The following ARID1B variants were observed in gnomAD, a reference collection of about 807,000 sequenced individuals.
ARID1B encodes the protein AT-rich interaction domain 1B.
ARID1B carries 30 observed loss-of-function variants against 212.3 expected under a neutral mutation model. The ratio of observed to expected loss-of-function variants is 0.14; its 90% CI spans 0.11 to 0.19. The LOEUF is 0.19. Ranked by LOEUF, ARID1B falls within the 10% of genes least tolerant of loss-of-function variation. The pLI, the probability that ARID1B is intolerant of heterozygous loss-of-function variation, is 1.00. For synonymous variants in ARID1B, 1,402 were observed against 1,301.7 expected (o/e 1.08, Z -1.66); for missense variants, 2,891 against 3,204.0 (o/e 0.90, Z 2.36).
chr6:156,776,679 C>T (rs1458355027), upstream of ARID1B: 1 of 152,204 alleles, frequency 6.6e-6, no homozygotes, highest in Non-Finnish European at 1.5e-5. Flanking sequence ...GGACATATTC[C>T]TTTGGAAATA....
At chr6:156,862,200 T>C (rs1324364930) in intron 2 of ARID1B, among the ~76,000 whole-genome samples, 1 of 152,038 alleles carries the variant, frequency 6.6e-6, no homozygotes, top group Non-Finnish European at 1.5e-5. Context: ...ACAGTTACTG[T>C]GTGGCTCAGT....
At position 156,778,348 on chromosome 6, in the gene ARID1B, T is replaced by TGGGCGGCGCGGG; in HGVS notation, c.669_680dup (p.Gly227_Ala230dup). 1 of 1,539,178 alleles carries TGGGCGGCGCGGG rather than the reference T, an allele frequency of 6.5e-7. No homozygotes were observed. The highest frequency in any genetic ancestry group is 8.7e-7 in the Non-Finnish European group (1 of 1,145,274). ...CATCCCATTTCCAACAACAACAGCT[T>TGGGCGGCGCGGG]GGGCGGCGCGGGCGGCGGCGCGCCT... On this transcript the variant is annotated inframe_insertion, in exon 1 of 20. Coordinates refer to ENST00000636930, the MANE Select transcript of ARID1B (RefSeq NM_001374828.1).
At chr6:157,180,582 T>A (rs1211526405) in intron 11 of ARID1B, among the ~76,000 whole-genome samples, 6 of 152,190 alleles carry the variant, frequency 3.9e-5, no homozygotes, top group African/African-American at 1.4e-4. Context: ...CTCTATAATA[T>A]CACATGTAAA....
rs528104320 is a variant in ARID1B at position 157,010,656 on chromosome 6, G to T, written c.2248-74006G>T. On this transcript the variant is annotated intron_variant, in intron 4 of 19. Coordinates refer to ENST00000636930, the MANE Select transcript of ARID1B (RefSeq NM_001374828.1). ...TTTGCTTTGTTTTGTTTTGTTTTTTGTTGTTGTTGTTTTTAACTGTTCTCA... is the reference window on the plus strand; with the variant it reads ...TTTGCTTTGTTTTGTTTTGTTTTTTTTTGTTGTTGTTTTTAACTGTTCTCA... Among the ~76,000 whole-genome samples the T allele has an allele frequency of 1.0e-3, 148 of 146,654 alleles. 2 individuals are homozygous for T. The highest frequency in any genetic ancestry group is 3.5e-3 in the Middle Eastern group (1 of 286).
At chr6:156,948,292 A>T (rs1244191964) in intron 4 of ARID1B, among the ~76,000 whole-genome samples, 1 of 152,184 alleles carries the variant, frequency 6.6e-6, no homozygotes, top group Admixed American at 6.5e-5. Flanking sequence ...CAAGGGCATG[A>T]TCATAGCCTT....
At chr6:157,092,618 TCTC>T (rs918758241) in intron 5 of ARID1B, among the ~76,000 whole-genome samples, 1 of 152,216 alleles carries the variant, frequency 6.6e-6, no homozygotes, top group Non-Finnish European at 1.5e-5. Flanking sequence ...TTAAGCCTTT[TCTC>T]CTCTTCTTTC....
intron 4 of ARID1B, among the ~76,000 whole-genome samples, chr6:157,049,214 G>T (rs1782431747): frequency 6.6e-6 from 1 of 151,490 alleles, no homozygotes; most frequent in African/African-American, 2.4e-5. Context: ...TTGATTTGCT[G>T]CTCACTGTGC....
chr6:156,952,074 T>G (rs1361317541), intron 4 of ARID1B, among the ~76,000 whole-genome samples: 3 of 152,250 alleles, frequency 2.0e-5, no homozygotes, highest in African/African-American at 7.2e-5. Flanking sequence ...GCATAAAACG[T>G]GTACCAGGGT....
intron 19 of ARID1B, chr6:157,205,093 A>G (rs1255170238): frequency 6.6e-6 from 1 of 152,240 alleles, no homozygotes; most frequent in Non-Finnish European, 1.5e-5. Flanking sequence ...TGTTGATCAC[A>G]TATTTGCATA....
chr6:156,852,284 A>G (rs1784628214), intron 2 of ARID1B, among the ~76,000 whole-genome samples: 1 of 152,028 alleles, frequency 6.6e-6, no homozygotes, highest in African/African-American at 2.4e-5. Context: ...CTCCCTGTAC[A>G]GAAAAAATTT....
At chr6:157,142,887 A>G (rs1043974497) in intron 7 of ARID1B, among the ~76,000 whole-genome samples, 4 of 152,214 alleles carry the variant, frequency 2.6e-5, no homozygotes, top group African/African-American at 9.7e-5. Flanking sequence ...GTAGTTGTTC[A>G]TAACTGTTGA....
chr6:156,871,056 C>T (rs1036500740), intron 2 of ARID1B, among the ~76,000 whole-genome samples: 7 of 152,074 alleles, frequency 4.6e-5, no homozygotes, highest in African/African-American at 7.3e-5. Context: ...CAGTAAGTTC[C>T]GTAACTAGAA....
intron 4 of ARID1B, among the ~76,000 whole-genome samples, chr6:156,946,579 C>A (rs1793168912): frequency 6.6e-6 from 1 of 152,070 alleles, no homozygotes; most frequent in Non-Finnish European, 1.5e-5. Context: ...TGCAAAACTT[C>A]ATTTTCGAAA....
chr6:156,994,464 C>T (rs1315526242), intron 4 of ARID1B, among the ~76,000 whole-genome samples: 4 of 151,780 alleles, frequency 2.6e-5, no homozygotes, highest in African/African-American at 9.7e-5. Context: ...TGATTTACTT[C>T]CTCCAAAAGG....
chr6:156,794,959 T>A (rs1279622546), intron 1 of ARID1B, among the ~76,000 whole-genome samples: 5 of 152,214 alleles, frequency 3.3e-5, no homozygotes. Flanking sequence ...GGCAAGAATT[T>A]GGGCTACAAG....
chr6:156,961,380 G>A (rs938947582), intron 4 of ARID1B, among the ~76,000 whole-genome samples: 1 of 152,220 alleles, frequency 6.6e-6, no homozygotes, highest in Non-Finnish European at 1.5e-5. Context: ...TGAAATCACC[G>A]GTCAGGCTGT....
chr6:157,081,235 GTC>G (rs1350936842), intron 4 of ARID1B, among the ~76,000 whole-genome samples: 1 of 152,170 alleles, frequency 6.6e-6, no homozygotes, highest in African/African-American at 2.4e-5. Context: ...ATGCAGTAAG[GTC>G]TCTCTGTTCT....
chr6:157,012,488 A>C (rs1342434236), intron 4 of ARID1B, among the ~76,000 whole-genome samples: 1 of 152,218 alleles, frequency 6.6e-6, no homozygotes, highest in African/African-American at 2.4e-5. Flanking sequence ...CCTTTGGTGA[A>C]TATATGGTAT....
intron 4 of ARID1B, among the ~76,000 whole-genome samples, chr6:157,045,249 G>A (rs907114181): frequency 2.6e-5 from 4 of 152,128 alleles, no homozygotes; most frequent in African/African-American, 7.2e-5. Context: ...TCATTGATTT[G>A]CCTAAGATAT....
Sources: gnomAD v4.1 joint callset for allele counts (sites outside exome capture counted in the v4.1 genomes callset) on GRCh38, gnomAD v4.1.1 for gene constraint, MANE v1.5 for transcripts, NCBI Gene and HGNC (gene_info 2026-07-23, HGNC 2026-07-21) for gene names.